The following APC variants were observed in gnomAD, a reference collection of about 807,000 sequenced individuals.
APC encodes the protein APC regulator of Wnt signaling pathway, also known as adenomatous polyposis coli protein.
Under a neutral mutation model 247.0 loss-of-function variants are expected in APC, and 72 were observed. The ratio of observed to expected loss-of-function variants is 0.29; its 90% CI spans 0.24 to 0.35. The LOEUF (loss-of-function observed/expected upper bound fraction) is 0.35. Ranked by LOEUF, APC falls within the 10% of genes least tolerant of loss-of-function variation. The pLI is 1.00. For synonymous variants in APC, 1,254 were observed against 1,162.5 expected (o/e 1.08, Z -1.60); for missense variants, 3,400 against 3,360.7 (o/e 1.01, Z -0.29).
rs538289470 is a variant in APC, at chr5:112,843,870, G to T, written c.8276G>T (p.Arg2759Leu). The T allele has an allele frequency of 6.2e-7, 1 of 1,613,930 alleles. No homozygotes were observed. Among genetic ancestry groups the T allele is most frequent in the African/African-American group, 1.3e-5 (1 of 75,040 alleles). The change falls in exon 16 of 16, where the codon CGT becomes CTT. Residue 2759 changes from arginine to leucine, a missense_variant. By Grantham distance (102) the Arg-to-Leu change is moderately radical. Transcript: ENST00000257430. The surrounding 1 kb of genome is among the most constrained non-coding windows in gnomAD (Gnocchi z 4.8). ...ACTAATGAAAGTTCTATAGTGGAAC[G>T]TACCCCATTCAGTTCTAGCAGCTCA... ...SETNESSIVE[R>L]TPFSSSSSSK...
intron 6 of APC, among the ~76,000 whole-genome samples, chr5:112,792,099 A>G (rs1016814720): frequency 6.6e-6 from 1 of 152,180 alleles, no homozygotes; most frequent in African/African-American, 2.4e-5. Context: ...TACAAAAATT[A>G]GCTGGGCGTG....
At chr5:112,727,488 A>G (rs760662033) in intron 1 of APC, among the ~76,000 whole-genome samples, 5 of 152,208 alleles carry the variant, frequency 3.3e-5, no homozygotes, top group Admixed American at 1.3e-4. Flanking sequence ...TGCCATTACT[A>G]TGCCCTATAT....
rs2149976030 is a variant in APC, at chr5:112,842,502, G to A, written c.6908G>A (p.Gly2303Glu). Residue 2303 changes from glycine to glutamate, a missense_variant, in exon 16 of 16, where the codon GGA becomes GAA. Around this residue, in one of 9 missense-constraint regions of APC, gnomAD observed 1,788 missense variants for 1,649.5 expected, o/e 1.08. Coordinates refer to ENST00000257430, the MANE Select transcript of APC (RefSeq NM_000038.6). ...TCAAGTAAAGCACCTTCTAGATCAG[G>A]ATCTAGAGATTCGACCCCTTCAAGA... is the stretch of plus-strand genomic sequence containing the variant. Reference protein sequence around the residue: ...GGSSKAPSRSGSRDSTPSRPA... With the variant: ...GGSSKAPSRSESRDSTPSRPA... 6.2e-7 allele frequency: 1 copy of A among 1,613,998 alleles called. No homozygotes were observed. Among genetic ancestry groups the A allele is most frequent in the Non-Finnish European group, 8.5e-7 (1 of 1,179,950 alleles).
rs139166227 is a variant in APC, at chr5:112,745,548, T to TTTATTATTA, written c.-19+7644_-19+7652dup. Among the ~76,000 whole-genome samples, 450 of 148,720 alleles carry TTTATTATTA rather than the reference T, an allele frequency of 3.0e-3. 4 individuals are homozygous for TTTATTATTA. The highest frequency in any genetic ancestry group is 2.8e-3 in the Admixed American group (41 of 14,744). The stretch of plus-strand genomic sequence containing the variant: ...AGGAAATAAATGAATTAATATTCAC[T>TTTATTATTA]TTATTATTATTATTATTATTATTAT... On this transcript the variant is annotated intron_variant, in intron 1 of 15. Transcript: ENST00000257430.
At chr5:112,778,252 T>C in intron 5 of APC, 1 of 156,232 alleles carries the variant, frequency 6.4e-6, no homozygotes. Context: ...GTTATAGGTC[T>C]GCAGTGTTCT....
chr5:112,707,820 C>G lies in APC; in HGVS notation c.103C>G (p.Arg35Gly), dbSNP rs1554060293. 4 of 1,370,582 alleles carry G rather than the reference C, an allele frequency of 2.9e-6. No individual in the cohort carries two copies. Among genetic ancestry groups the G allele is most frequent in the Non-Finnish European group, 3.9e-6 (4 of 1,038,780 alleles). 84.9% of individuals were successfully genotyped at this position (1,370,582 alleles called of 1,614,324 possible). A position where few individuals can be genotyped will look rare whatever the true frequency, so the allele number is the denominator to read the frequency against. The stretch of plus-strand genomic sequence containing the variant: ...CACCGGCGGCAGCAGGAGCTGCGTC[C>G]GGCAGGAGACGAAGAGCCCGGGCGG... Residue 35 changes from arginine (R) to glycine (G), a missense_variant, in exon 1 of 14, where the codon CGG becomes GGG. Physicochemically the swap from Arg to Gly is moderately radical, Grantham distance 125. Coordinates refer to the APC transcript ENST00000507379.
At chr5:112,762,659 A>C (rs1015726910) in intron 2 of APC, among the ~76,000 whole-genome samples, 1 of 152,194 alleles carries the variant, frequency 6.6e-6, no homozygotes, top group African/African-American at 2.4e-5. Flanking sequence ...TCTGATAAAG[A>C]AGCCAGAATA....
intron 8 of APC, among the ~76,000 whole-genome samples, chr5:112,804,899 T>G (rs1403610468): frequency 6.6e-6 from 1 of 152,082 alleles, no homozygotes; most frequent in Non-Finnish European, 1.5e-5. Context: ...GAGGATCACT[T>G]GAGCCTGGGA....
rs1208195997 is a variant in APC, at chr5:112,707,571, G to A, written c.-147G>A. On this transcript the variant is annotated 5_prime_UTR_variant, in exon 1 of 14. Coordinates refer to the APC transcript ENST00000507379. ...AGGGGGCGGGGTGTGGCCGCCGGAAGCCTAGCCGCTGCTCGGGGGGGACCT... is the reference window on the plus strand; with the variant it reads ...AGGGGGCGGGGTGTGGCCGCCGGAAACCTAGCCGCTGCTCGGGGGGGACCT... 6.4e-5 allele frequency: 52 copies of A among 814,530 alleles called. No homozygotes were observed. The South Asian group carries it at 7.5e-4, about 12-fold the overall frequency. 50.5% of individuals were successfully genotyped at this position (814,530 alleles called of 1,614,324 possible). A position where few individuals can be genotyped will look rare whatever the true frequency, so the allele number is the denominator to read the frequency against.
intron 10 of APC, 91 bp downstream of exon 10, chr5:112,819,435 T>G: frequency 6.6e-7 from 1 of 1,515,774 alleles, no homozygotes; most frequent in Non-Finnish European, 9.1e-7. Flanking sequence ...TATGCTGTCT[T>G]TATGACTAAG....
intron 8 of APC, among the ~76,000 whole-genome samples, chr5:112,815,054 G>T (rs528765710): frequency 1.4e-4 from 21 of 152,286 alleles, no homozygotes; most frequent in Non-Finnish European, 2.6e-4. Context: ...TCCAGTAAAA[G>T]TTTTAAACAG....
chr5:112,712,559 CTT>C (rs1044831987), intron 1 of APC, among the ~76,000 whole-genome samples: 507 of 140,680 alleles, frequency 3.6e-3, no homozygotes, highest in African/African-American at 5.9e-3. Context: ...ACACCCAGCC[CTT>C]TTTTTTTTTT....
intron 1 of APC, among the ~76,000 whole-genome samples, chr5:112,744,469 C>T (rs980596696): frequency 6.6e-6 from 1 of 152,130 alleles, no homozygotes; most frequent in East Asian, 1.9e-4. Context: ...TATTTATGCT[C>T]CAGCTGGGAA....
Position 112,754,905 on chromosome 5 carries a change from A to G in APC, c.15A>G (p.Ser5=), listed in dbSNP as rs1554067106. Residue 5 remains serine, a synonymous_variant, in exon 2 of 16, where the codon TCA becomes TCG. Coordinates refer to ENST00000257430, the MANE Select transcript of APC (RefSeq NM_000038.6). ...GGTAGCCAAGGATGGCTGCAGCTTC[A>G]TATGATCAGTTGTTAAAGCAAGTTG... The part of the protein sequence containing the change: MAAA[S]YDQLLKQVEA... The G allele has an allele frequency of 1.2e-6, 2 of 1,613,804 alleles. No homozygotes were observed. The highest frequency in any genetic ancestry group is 1.1e-5 in the South Asian group (1 of 91,074).
chr5:112,833,427 C>T (rs569532548), intron 14 of APC, among the ~76,000 whole-genome samples: 6 of 151,744 alleles, frequency 4.0e-5, no homozygotes, highest in Non-Finnish European at 8.8e-5. Flanking sequence ...GTGATCCGTG[C>T]ACCTTGGCCC....
chr5:112,725,494 C>T (rs1004728767), intron 1 of APC, among the ~76,000 whole-genome samples: 2 of 152,040 alleles, frequency 1.3e-5, no homozygotes, highest in Non-Finnish European at 2.9e-5. Context: ...TGGCTCACGC[C>T]TGTAATCCCA....
intron 6 of APC, among the ~76,000 whole-genome samples, chr5:112,781,186 T>C (rs958162654): frequency 6.6e-6 from 1 of 152,190 alleles, no homozygotes; most frequent in South Asian, 2.1e-4. Context: ...AATGACTAGC[T>C]TCAGTTCTCC....
rs1248219316 is a variant in APC at position 112,843,247 on chromosome 5, C to T, written c.7653C>T (p.His2551=). The change falls in exon 16 of 16, where the codon CAC becomes CAT. Residue 2551 remains histidine, a synonymous_variant. Transcript: ENST00000257430. This position sits in a 1 kb window ranked among gnomAD's most constrained non-coding sequence, Gnocchi z 4.8. The part of the protein sequence containing the change: ...INRSGTWKRE[H]SKHSSSLPRV... The stretch of plus-strand genomic sequence containing the variant: ...GGTCAGGAACCTGGAAACGTGAGCA[C>T]AGCAAACATTCATCATCCCTTCCTC... 1.2e-6 allele frequency: 2 copies of T among 1,613,838 alleles called. No individual in the cohort carries two copies. Among genetic ancestry groups the T allele is most frequent in the Non-Finnish European group, 1.7e-6 (2 of 1,179,732 alleles).
At chr5:112,811,269 G>A (rs1761958028) in intron 8 of APC, among the ~76,000 whole-genome samples, 1 of 152,224 alleles carries the variant, frequency 6.6e-6, no homozygotes, top group African/African-American at 2.4e-5. Flanking sequence ...GCTGATTCAA[G>A]GGATGTGCAA....
Sources: gnomAD v4.1 joint callset for allele counts (sites outside exome capture counted in the v4.1 genomes callset) on GRCh38, gnomAD v4.1.1 for gene constraint, gnomAD v4.1.1 regional missense constraint, Gnocchi (gnomAD v3.1) non-coding constraint, MANE v1.5 for transcripts, NCBI Gene and HGNC (gene_info 2026-07-23, HGNC 2026-07-21) for gene names.